NPAS3: variants seen among roughly 807,000 people sequenced by gnomAD.
NPAS3 encodes the protein neuronal PAS domain protein 3.
A neutral mutation model predicts 73.1 loss-of-function variants in NPAS3; 14 were observed. That is an observed-to-expected ratio of 0.19 (90% CI 0.13 to 0.30). The LOEUF (loss-of-function observed/expected upper bound fraction) is 0.30. Ranked by LOEUF, NPAS3 falls within the 10% of genes least tolerant of loss-of-function variation. The pLI is 1.00. For missense variants in NPAS3, 1,096 were observed against 1,250.0 expected (o/e 0.88, Z 1.86); for synonymous variants, 620 against 541.5 (o/e 1.14, Z -2.01).
At chr14:33,289,215 T>A (rs2041996751) in intron 3 of NPAS3, among the ~76,000 whole-genome samples, 1 of 152,298 alleles carries the variant, frequency 6.6e-6, no homozygotes, top group South Asian at 2.1e-4. Flanking sequence ...AGGAGTGTTT[T>A]TCTGAAAACA....
At chr14:33,540,092 G>C (rs1002177607) in intron 4 of NPAS3, among the ~76,000 whole-genome samples, 1 of 152,086 alleles carries the variant, frequency 6.6e-6, no homozygotes, top group Admixed American at 6.5e-5. Context: ...AGCTGTGTCC[G>C]CATCCTTTGT....
intron 2 of NPAS3, among the ~76,000 whole-genome samples, chr14:33,068,761 A>T (rs903253580): frequency 6.6e-6 from 1 of 152,174 alleles, no homozygotes; most frequent in Non-Finnish European, 1.5e-5. Context: ...TAAGGAAGTG[A>T]GGGAGTTAGG....
intron 5 of NPAS3, among the ~76,000 whole-genome samples, chr14:33,618,717 T>C (rs1353908008): frequency 6.6e-6 from 1 of 152,234 alleles, no homozygotes; most frequent in East Asian, 1.9e-4. Flanking sequence ...TCTCACATAT[T>C]TGATAGCAAT....
At position 33,095,662 on chromosome 14, in the gene NPAS3, A is replaced by ATT. The variant is rs201234147; in HGVS notation, c.140+39674_140+39675dup. Reference sequence around the variant, plus strand: ...AAAGGCGTGGGCATTCTCTGCTTTTATTTTTTTATTTTTTTTTTTTTTTTG... The same window carrying ATT: ...AAAGGCGTGGGCATTCTCTGCTTTTATTTTTTTTTATTTTTTTTTTTTTTTTG... On this transcript the variant is annotated intron_variant, in intron 2 of 11. Transcript: ENST00000356141. Among the ~76,000 whole-genome samples the ATT allele has an allele frequency of 1.1e-4, 8 of 74,120 alleles. No homozygotes were observed. The East Asian group carries it at 2.2e-3, about 20-fold the overall frequency. The allele number at this position is 74,120 out of a possible 152,430, so 48.6% of individuals were successfully genotyped here. A position where few individuals can be genotyped will look rare whatever the true frequency, so the allele number is the denominator to read the frequency against.
At position 33,570,687 on chromosome 14, in the gene NPAS3, A is replaced by G. The variant is rs75684497; in HGVS notation, c.558+10477A>G. ...TCTTTAGTAAAAACACGGGCCTGCA[A>G]CCTTGGCTGTAGCATACATGGAAAT... On this transcript the variant is annotated intron_variant, in intron 5 of 11. Transcript: ENST00000356141. 0.02 allele frequency among the ~76,000 whole-genome samples: 2,996 copies of G among 152,266 alleles called. 187 individuals carry two copies. The East Asian group carries it at 0.2, about 10-fold the overall frequency.
chr14:33,149,503 T>C (rs1016413791), intron 2 of NPAS3, among the ~76,000 whole-genome samples: 1 of 152,246 alleles, frequency 6.6e-6, no homozygotes, highest in Non-Finnish European at 1.5e-5. Context: ...TGTTTTGCTC[T>C]GCAGTTGATA....
At chr14:33,632,075 C>A (rs373649603) in intron 5 of NPAS3, among the ~76,000 whole-genome samples, 1 of 152,002 alleles carries the variant, frequency 6.6e-6, no homozygotes, top group Non-Finnish European at 1.5e-5. Flanking sequence ...TGTGAAAGAC[C>A]GGTTAGTCTT....
At chr14:33,058,148 A>G (rs2040955959) in intron 2 of NPAS3, among the ~76,000 whole-genome samples, 1 of 151,974 alleles carries the variant, frequency 6.6e-6, no homozygotes, top group African/African-American at 2.4e-5. Flanking sequence ...CATGGATAGT[A>G]TTGTAAAAAA....
At chr14:32,988,227 A>G (rs1319140245) in intron 1 of NPAS3, among the ~76,000 whole-genome samples, 1 of 152,206 alleles carries the variant, frequency 6.6e-6, no homozygotes, top group Admixed American at 6.5e-5. Context: ...TCATGATATA[A>G]TAGATGGTAA....
chr14:33,774,566 G>C (rs138018650), intron 8 of NPAS3, 36 bp downstream of exon 8: 13 of 1,537,554 alleles, frequency 8.5e-6, no homozygotes, highest in Non-Finnish European at 1.2e-5. Flanking sequence ...CCTGTTGCAC[G>C]TTGCACATTG....
intron 2 of NPAS3, among the ~76,000 whole-genome samples, chr14:33,191,368 T>C (rs1011839875): frequency 6.6e-6 from 1 of 152,218 alleles, no homozygotes; most frequent in African/African-American, 2.4e-5. Context: ...TCTTATAATT[T>C]GAGCATTTAG....
intron 3 of NPAS3, among the ~76,000 whole-genome samples, chr14:33,326,001 G>A (rs979662423): frequency 7.9e-5 from 12 of 152,102 alleles, no homozygotes; most frequent in African/African-American, 2.9e-4. Flanking sequence ...GGAAACTTCT[G>A]TTTTATTTGT....
intron 5 of NPAS3, among the ~76,000 whole-genome samples, chr14:33,672,702 A>AG (rs1491128409): frequency 1.5e-4 from 4 of 26,206 alleles, no homozygotes; most frequent in African/African-American, 4.1e-4. Context: ...CATAAGAGAG[A>AG]AAAAAAAAAA....
intron 7 of NPAS3, among the ~76,000 whole-genome samples, chr14:33,746,196 T>G (rs1323905461): frequency 6.7e-6 from 1 of 150,194 alleles, no homozygotes; most frequent in Non-Finnish European, 1.5e-5. Flanking sequence ...TATTTATTTA[T>G]TTATTTTTTT....
intron 2 of NPAS3, among the ~76,000 whole-genome samples, chr14:33,128,268 TA>T (rs1463401416): frequency 4.6e-5 from 7 of 152,190 alleles, no homozygotes; most frequent in Non-Finnish European, 7.4e-5. Context: ...TTATGTACTT[TA>T]AAAAATGTGT....
chr14:33,126,005 G>C (rs2043412576), intron 2 of NPAS3, among the ~76,000 whole-genome samples: 1 of 152,152 alleles, frequency 6.6e-6, no homozygotes, highest in African/African-American at 2.4e-5. Context: ...AAAAGGTAAA[G>C]GTCACAAGAA....
chr14:33,421,399 G>T (rs1428398777), intron 4 of NPAS3, among the ~76,000 whole-genome samples: 1 of 151,824 alleles, frequency 6.6e-6, no homozygotes, highest in Non-Finnish European at 1.5e-5. Flanking sequence ...CTAAATTTTT[G>T]CTGGGGTGAG....
chr14:33,636,360 T>G (rs570299482), intron 5 of NPAS3, among the ~76,000 whole-genome samples: 1 of 152,368 alleles, frequency 6.6e-6, no homozygotes, highest in South Asian at 2.1e-4. Flanking sequence ...CGCTAGCATC[T>G]GCATTATTTG....
intron 4 of NPAS3, among the ~76,000 whole-genome samples, chr14:33,386,086 A>G (rs1267175350): frequency 6.8e-6 from 1 of 147,210 alleles, no homozygotes; most frequent in African/African-American, 2.5e-5. Flanking sequence ...TTTTTTTTTG[A>G]CCAATGTAGT....
Sources: allele counts gnomAD v4.1 joint callset (sites outside exome capture counted in the v4.1 genomes callset), GRCh38; gene constraint gnomAD v4.1.1; transcripts MANE v1.5; gene names NCBI Gene and HGNC (gene_info 2026-07-23, HGNC 2026-07-21).